Variants in SNW1 observed in about 807,000 individuals in gnomAD.
SNW1 encodes the protein SNW domain containing 1, also known as SNW domain-containing protein 1.
SNW1 carries 9 observed loss-of-function variants against 75.6 expected under a neutral mutation model. The ratio of observed to expected loss-of-function variants is 0.12; its 90% CI spans 0.07 to 0.21. The LOEUF (loss-of-function observed/expected upper bound fraction) is 0.21, where lower values mean the gene tolerates loss of function less well. Among genes scored for constraint, SNW1 ranks in the 10% least tolerant of loss-of-function variants. The pLI is 1.00. For synonymous variants in SNW1, 200 were observed against 219.1 expected, an observed-to-expected ratio of 0.91 and a Z score of 0.77; for missense variants, 409 against 670.9, an observed-to-expected ratio of 0.61 and a Z score of 4.31.
At chr14:77,739,948 C>A (rs1220241049) in intron 3 of SNW1, among the ~76,000 whole-genome samples, 3 of 151,846 alleles carry the variant, frequency 2.0e-5, no homozygotes, top group Non-Finnish European at 4.4e-5. Context: ...TACTAGCTAA[C>A]ATGGTGAAAC....
At chr14:77,718,983 G>A (rs2080514607) in intron 12 of SNW1, among the ~76,000 whole-genome samples, 1 of 152,080 alleles carries the variant, frequency 6.6e-6, no homozygotes, top group Non-Finnish European at 1.5e-5. Flanking sequence ...GTGCTACATA[G>A]CTCACTGGAG....
At chr14:77,749,538 G>A (rs1214386744) in intron 3 of SNW1, among the ~76,000 whole-genome samples, 2 of 150,730 alleles carry the variant, frequency 1.3e-5, no homozygotes, top group Non-Finnish European at 1.5e-5. Flanking sequence ...AGGCCGAGGT[G>A]GGCAGATCAC....
chr14:77,760,206 A>G (rs2080876141), intron 1 of SNW1, among the ~76,000 whole-genome samples: 2 of 152,286 alleles, frequency 1.3e-5, no homozygotes, highest in Non-Finnish European at 2.9e-5. Flanking sequence ...AATTCCCAAA[A>G]TAATTTTTTG....
chr14:77,747,601 C>T (rs7154571), intron 3 of SNW1, among the ~76,000 whole-genome samples: 97,142 of 149,884 alleles, frequency 0.65, 31,692 homozygotes, highest in South Asian at 0.72. Context: ...CGTCTCTGCC[C>T]GGCCACCCCG....
intron 3 of SNW1, among the ~76,000 whole-genome samples, chr14:77,749,809 T>C (rs1393255168): frequency 6.6e-6 from 1 of 152,188 alleles, no homozygotes; most frequent in African/African-American, 2.4e-5. Context: ...AAAGAGCCGT[T>C]AGAAGAGGAG....
At chr14:77,733,585 A>T (rs2080644192) in intron 8 of SNW1, among the ~76,000 whole-genome samples, 1 of 151,902 alleles carries the variant, frequency 6.6e-6, no homozygotes, top group East Asian at 1.9e-4. Context: ...CTCTACCAAA[A>T]ATACAAAAAA....
chr14:77,720,179 G>A (rs1207857802), intron 12 of SNW1, among the ~76,000 whole-genome samples: 1 of 152,032 alleles, frequency 6.6e-6, no homozygotes, highest in Non-Finnish European at 1.5e-5. Flanking sequence ...TTATTTTTTT[G>A]AGATAGAGTC....
chr14:77,756,234 C>T (rs2080842028), intron 1 of SNW1, among the ~76,000 whole-genome samples: 1 of 151,974 alleles, frequency 6.6e-6, no homozygotes, highest in Non-Finnish European at 1.5e-5. Flanking sequence ...GATTCTCATG[C>T]CTCAGCCTCC....
intron 1 of SNW1, among the ~76,000 whole-genome samples, chr14:77,760,281 G>A (rs2080876656): frequency 6.6e-6 from 1 of 151,892 alleles, no homozygotes; most frequent in African/African-American, 2.4e-5. Flanking sequence ...GAGAATGAAG[G>A]GTGTTAAAAG....
chr14:77,751,362 A>T lies in SNW1; in HGVS notation c.287T>A (p.Ile96Asn), dbSNP rs1203540711. 6.2e-7 allele frequency: 1 copy of T among 1,613,460 alleles called. No individual in the cohort carries two copies. Among genetic ancestry groups the T allele is most frequent in the Non-Finnish European group, 8.5e-7 (1 of 1,179,774 alleles). The change falls in exon 3 of 14, where the codon ATT becomes AAT. Residue 96 changes from isoleucine (I) to asparagine (N), a missense_variant. Ile to Asn is a moderately radical substitution (Grantham distance 149, BLOSUM62 -3). Around this residue, in one of 9 missense-constraint regions of SNW1, gnomAD observed 60 missense variants for 62.6 expected, o/e 0.96. Coordinates refer to ENST00000261531, the MANE Select transcript of SNW1 (RefSeq NM_012245.3). Reference sequence around the variant, plus strand: ...TTGTCGAGCAATTGCATCATATTTAATTTTTCCTTCAGAATCCACCTGAAT... The same window carrying T: ...TTGTCGAGCAATTGCATCATATTTATTTTTTCCTTCAGAATCCACCTGAAT... ...LAIQVDSEGKIKYDAIARQGQ... is the reference protein window; with the variant it reads ...LAIQVDSEGKNKYDAIARQGQ...
chr14:77,760,551 A>T, intron 1 of SNW1: 2 of 657,874 alleles, frequency 3.0e-6, no homozygotes, highest in South Asian at 3.2e-5. Flanking sequence ...AGAAATTCTA[A>T]GCTCCAAAGT....
chr14:77,747,786 C>T (rs113531883), intron 3 of SNW1, among the ~76,000 whole-genome samples: 25,264 of 145,534 alleles, frequency 0.17, 2,427 homozygotes, highest in Middle Eastern at 0.24. Flanking sequence ...CCGCCCTGTC[C>T]GGGAGGTGGG....
chr14:77,733,742 C>CAAAAAAAAAAAAAAAAAAAAAAAAAAAAA (rs35483765), intron 8 of SNW1, among the ~76,000 whole-genome samples: 2 of 64,850 alleles, frequency 3.1e-5, no homozygotes, highest in Non-Finnish European at 2.7e-5. Context: ...GAGACCGTCT[C>CAAAAAAAAAAAAAAAAAAAAAAAAAAAAA]AAAAAAAAAA....
chr14:77,760,432 C>A (rs990751131), intron 1 of SNW1, among the ~76,000 whole-genome samples: 5 of 152,156 alleles, frequency 3.3e-5, no homozygotes, highest in Admixed American at 2.6e-4. Context: ...AGCGTAACTT[C>A]TCGGACTCTC....
At chr14:77,746,951 C>T (rs1298401754) in intron 3 of SNW1, among the ~76,000 whole-genome samples, 1 of 151,718 alleles carries the variant, frequency 6.6e-6, no homozygotes, top group East Asian at 1.9e-4. Context: ...TCTCCACGGT[C>T]TCCCTCTGAT....
Position 77,726,859 on chromosome 14 carries a change from A to G in SNW1, c.1034-3582T>C, listed in dbSNP as rs543929443. 6.6e-5 allele frequency among the ~76,000 whole-genome samples: 10 copies of G among 152,074 alleles called. No individual in the cohort carries two copies. The East Asian group carries it at 1.7e-3, about 26-fold the overall frequency. On this transcript the variant is annotated intron_variant, in intron 10 of 13. Coordinates refer to ENST00000261531, the MANE Select transcript of SNW1 (RefSeq NM_012245.3). ...TCCTAGGTAGTTTTTGGTAGCTATT[A>G]TAAATGGGACTGCCTTCTTGTTTTT...
intron 12 of SNW1, chr14:77,720,501 T>G (rs1194765397): frequency 2.8e-6 from 2 of 709,706 alleles, no homozygotes; most frequent in East Asian, 5.3e-5. Context: ...TCACCTAATT[T>G]CTTTCTTCTC....
intron 2 of SNW1, among the ~76,000 whole-genome samples, chr14:77,751,844 AC>A (rs57545563): frequency 0.31 from 36,103 of 116,930 alleles, 5,057 homozygotes; most frequent in East Asian, 0.42. Context: ...ACACACACAC[AC>A]CACACACACA....
chr14:77,722,831 T>C (rs1490405720), intron 11 of SNW1: 1 of 411,108 alleles, frequency 2.4e-6, no homozygotes, highest in Non-Finnish European at 4.7e-6. Context: ...TCATGATTGG[T>C]ACATATCTTT....
Sources: gnomAD v4.1 joint callset for allele counts (sites outside exome capture counted in the v4.1 genomes callset) on GRCh38, gnomAD v4.1.1 for gene constraint, gnomAD v4.1.1 regional missense constraint, MANE v1.5 for transcripts, NCBI Gene and HGNC (gene_info 2026-07-23, HGNC 2026-07-21) for gene names.